Variants in PTPRM observed in about 807,000 individuals in gnomAD.
PTPRM encodes the protein protein tyrosine phosphatase receptor type M.
A neutral mutation model predicts 186.7 loss-of-function variants in PTPRM; 47 were observed. The observed-to-expected ratio is 0.25, with a 90% CI of 0.20 to 0.32. PTPRM has a LOEUF of 0.32. PTPRM is among the 10% of genes least tolerant of loss of function. PTPRM has a pLI of 1.00. For synonymous variants in PTPRM, 668 were observed against 674.9 expected (o/e 0.99, Z 0.16); for missense variants, 1,494 against 1,865.0 (o/e 0.80, Z 3.66).
chr18:7,981,800 T>C (rs2082566947), intron 7 of PTPRM, among the ~76,000 whole-genome samples: 1 of 152,126 alleles, frequency 6.6e-6, no homozygotes, highest in African/African-American at 2.4e-5. Flanking sequence ...GGCTGCAAAA[T>C]TGTAGAGCAT....
chr18:7,676,643 G>A (rs1399872412), intron 1 of PTPRM, among the ~76,000 whole-genome samples: 3 of 139,222 alleles, frequency 2.2e-5, no homozygotes, highest in Non-Finnish European at 4.5e-5. Context: ...GTGTGTGTGT[G>A]TGTGTGTGTG....
chr18:7,763,977 G>A (rs953970181), intron 1 of PTPRM, among the ~76,000 whole-genome samples: 1 of 151,178 alleles, frequency 6.6e-6, no homozygotes, highest in African/African-American at 2.4e-5. Context: ...TAATTTCCTG[G>A]GTATCTCTAA....
intron 1 of PTPRM, among the ~76,000 whole-genome samples, chr18:7,673,135 A>G (rs2039256897): frequency 6.6e-6 from 1 of 152,188 alleles, no homozygotes; most frequent in East Asian, 1.9e-4. Flanking sequence ...ACTGGAGATT[A>G]ATGCTGGACT....
At chr18:7,592,368 T>G (rs2037149390) in intron 1 of PTPRM, among the ~76,000 whole-genome samples, 1 of 152,174 alleles carries the variant, frequency 6.6e-6, no homozygotes, top group Admixed American at 6.5e-5. Context: ...TTTTCAGTGC[T>G]TTGGGAGCTG....
intron 10 of PTPRM, among the ~76,000 whole-genome samples, chr18:8,086,524 T>C (rs2090443531): frequency 6.6e-6 from 1 of 152,156 alleles, no homozygotes; most frequent in Non-Finnish European, 1.5e-5. Context: ...ATTGCATGAA[T>C]ATTTTTTCCC....
chr18:8,307,594 A>C (rs556928801), intron 20 of PTPRM, among the ~76,000 whole-genome samples: 1 of 152,296 alleles, frequency 6.6e-6, no homozygotes, highest in African/African-American at 2.4e-5. Flanking sequence ...ACCTGAGGAA[A>C]GGAGTTTCAG....
chr18:7,606,450 A>C (rs2037531892), intron 1 of PTPRM, among the ~76,000 whole-genome samples: 1 of 152,064 alleles, frequency 6.6e-6, no homozygotes, highest in Non-Finnish European at 1.5e-5. Flanking sequence ...AGAGCTTCTT[A>C]TCCCAGTTAG....
intron 11 of PTPRM, among the ~76,000 whole-genome samples, chr18:8,112,974 A>C (rs1334165685): frequency 2.6e-5 from 4 of 152,248 alleles, no homozygotes; most frequent in Non-Finnish European, 5.9e-5. Flanking sequence ...AAAGGAACAT[A>C]AGAAAACATA....
At chr18:8,319,525 G>T (rs568065732) in intron 22 of PTPRM, among the ~76,000 whole-genome samples, 1 of 152,332 alleles carries the variant, frequency 6.6e-6, no homozygotes, top group Non-Finnish European at 1.5e-5. Flanking sequence ...TACACCAGCT[G>T]CTCTCTACAC....
chr18:7,997,867 A>G (rs2083634786), intron 7 of PTPRM, among the ~76,000 whole-genome samples: 1 of 152,190 alleles, frequency 6.6e-6, no homozygotes. Context: ...TTATCCAAAG[A>G]AAGTTATAAC....
rs150648715 is a variant in PTPRM at position 7,807,518 on chromosome 18, A to G, written c.196+33247A>G. Among the ~76,000 whole-genome samples, 11 of 152,306 alleles carry G rather than the reference A, an allele frequency of 7.2e-5. No individual in the cohort carries two copies. The East Asian group carries it at 1.9e-3, about 27-fold the overall frequency. ...TCCCGCCCATGTTGTGTGTCCCACA[A>G]TAAGGGATTTCTGGATGTCTAATTA... On this transcript the variant is annotated intron_variant, in intron 2 of 32. Transcript: ENST00000580170.
At chr18:8,127,389 A>G (rs1337841162) in intron 13 of PTPRM, among the ~76,000 whole-genome samples, 2 of 150,840 alleles carry the variant, frequency 1.3e-5, no homozygotes, top group Admixed American at 6.6e-5. Flanking sequence ...TGCTTGGCAC[A>G]TGAACGGCAC....
chr18:7,774,492 T>C (rs2042486671), intron 2 of PTPRM, among the ~76,000 whole-genome samples: 1 of 152,234 alleles, frequency 6.6e-6, no homozygotes, highest in South Asian at 2.1e-4. Flanking sequence ...TATTTGCAAG[T>C]ACATCTTAGC....
Position 8,085,568 on chromosome 18 carries a change from A to G in PTPRM, c.1552-103A>G. The G allele has an allele frequency of 4.0e-6, 4 of 1,003,242 alleles. No individual in the cohort carries two copies. In the South Asian group the frequency reaches 5.8e-5, roughly 15 times the overall value. The allele number at this position is 1,003,242 out of a possible 1,614,324, so 62.1% of individuals were successfully genotyped here. A position where few individuals can be genotyped will look rare whatever the true frequency, so the allele number is the denominator to read the frequency against. On this transcript the variant is annotated intron_variant, in intron 9 of 32. Transcript: ENST00000580170. ...TCAAGAGTCTGAGTAGGAGCTTATC[A>G]TAAAGTGTCTGACAGTGCATACATC...
At chr18:7,901,048 T>C (rs567542026) in intron 3 of PTPRM, among the ~76,000 whole-genome samples, 1 of 152,322 alleles carries the variant, frequency 6.6e-6, no homozygotes, top group East Asian at 1.9e-4. Flanking sequence ...ATGTTACTCT[T>C]TCCTCTGACC....
chr18:7,810,972 T>C (rs1290458850), intron 2 of PTPRM, among the ~76,000 whole-genome samples: 1 of 152,250 alleles, frequency 6.6e-6, no homozygotes, highest in African/African-American at 2.4e-5. Flanking sequence ...GATATTTTTC[T>C]GAACGATTGA....
chr18:8,182,340 G>T (rs543873083), intron 14 of PTPRM, among the ~76,000 whole-genome samples: 2 of 152,208 alleles, frequency 1.3e-5, no homozygotes, highest in Admixed American at 6.5e-5. Context: ...TATCCAATAG[G>T]TAGTTTTCCA....
chr18:8,209,347 T>C (rs2093971924), intron 14 of PTPRM, among the ~76,000 whole-genome samples: 1 of 152,072 alleles, frequency 6.6e-6, no homozygotes, highest in Non-Finnish European at 1.5e-5. Context: ...CAGACGTATT[T>C]TCAAGGTAGG....
intron 2 of PTPRM, among the ~76,000 whole-genome samples, chr18:7,842,592 A>C (rs2145848678): frequency 6.6e-6 from 1 of 152,190 alleles, no homozygotes; most frequent in Non-Finnish European, 1.5e-5. Context: ...TACCCACCAT[A>C]ATATGGGTGA....
Sources: gnomAD v4.1 joint callset for allele counts (sites outside exome capture counted in the v4.1 genomes callset) on GRCh38, gnomAD v4.1.1 for gene constraint, MANE v1.5 for transcripts, NCBI Gene and HGNC (gene_info 2026-07-23, HGNC 2026-07-21) for gene names.